Variants in KCNB2 observed in about 807,000 individuals in gnomAD.
KCNB2 encodes potassium voltage-gated channel subfamily B member 2, also known as delayed rectifier potassium channel protein.
Under a neutral mutation model 61.5 loss-of-function variants are expected in KCNB2, and 15 were observed. The ratio of observed to expected loss-of-function variants is 0.24; its 90% confidence interval spans 0.16 to 0.38. KCNB2 has a LOEUF of 0.38. Among genes scored for constraint, KCNB2 ranks in the 10% least tolerant of loss-of-function variants. The pLI, the probability that KCNB2 is intolerant of heterozygous loss-of-function variation, is 1.00. For synonymous variants in KCNB2, 457 were observed against 446.0 expected (o/e 1.02, Z -0.31); for missense variants, 828 against 1,125.2 (o/e 0.74, Z 3.78).
intron 2 of KCNB2, among the ~76,000 whole-genome samples, chr8:72,770,425 A>T (rs573204241): frequency 8.1e-4 from 124 of 152,344 alleles, no homozygotes; most frequent in African/African-American, 2.9e-3. Flanking sequence ...AGGAAAGTCC[A>T]AGTGCTGTTG....
intron 2 of KCNB2, among the ~76,000 whole-genome samples, chr8:72,668,262 G>A (rs150137211): frequency 6.6e-6 from 1 of 152,154 alleles, no homozygotes; most frequent in Admixed American, 6.5e-5. Flanking sequence ...AGCCACACAG[G>A]CATGAAGCAC....
rs1239743237 is a variant in KCNB2 at position 72,936,772 on chromosome 8, G to A, written c.1417G>A (p.Gly473Arg). The A allele has an allele frequency of 4.3e-6, 7 of 1,614,154 alleles. No homozygotes were observed. The highest frequency in any genetic ancestry group is 1.1e-5 in the South Asian group (1 of 91,078). ...ELIDVAVEKA[G>R]ESANTKDSAD... Reference sequence around the variant, plus strand: ...GATAGATGTGGCTGTTGAGAAGGCCGGAGAGTCCGCCAACACAAAGGACTC... The same window carrying A: ...GATAGATGTGGCTGTTGAGAAGGCCAGAGAGTCCGCCAACACAAAGGACTC... Residue 473 changes from glycine (G) to arginine (R), a missense_variant, in exon 3 of 3, where the codon GGA (glycine) becomes AGA (arginine). Around this residue, in one of 4 missense-constraint regions of KCNB2, gnomAD observed 559 missense variants for 588.4 expected, o/e 0.95. Transcript: ENST00000523207. This position sits in a 1 kb window ranked among gnomAD's most constrained non-coding sequence, Gnocchi z 5.6.
At chr8:72,826,515 A>G (rs890429900) in intron 2 of KCNB2, among the ~76,000 whole-genome samples, 21 of 152,186 alleles carry the variant, frequency 1.4e-4, no homozygotes, top group Admixed American at 6.5e-5. Flanking sequence ...CTGTTCCCGT[A>G]CCTCACGGAG....
intron 2 of KCNB2, among the ~76,000 whole-genome samples, chr8:72,855,965 C>T (rs935474740): frequency 1.3e-5 from 2 of 152,152 alleles, no homozygotes; most frequent in African/African-American, 4.8e-5. Flanking sequence ...AATGTAAATG[C>T]TCTGAAGATA....
chr8:72,918,080 G>C (rs1386771170), intron 2 of KCNB2, among the ~76,000 whole-genome samples: 4 of 152,198 alleles, frequency 2.6e-5, no homozygotes, highest in Admixed American at 6.5e-5. Flanking sequence ...AACCTACCTA[G>C]TCATGATTTT....
intron 2 of KCNB2, among the ~76,000 whole-genome samples, chr8:72,882,842 G>T (rs1805740137): frequency 6.6e-6 from 1 of 152,156 alleles, no homozygotes; most frequent in Non-Finnish European, 1.5e-5. Flanking sequence ...TTAAAAATCA[G>T]GAGATTTCAC....
chr8:72,748,470 A>C (rs115831271), intron 2 of KCNB2, among the ~76,000 whole-genome samples: 1 of 152,066 alleles, frequency 6.6e-6, no homozygotes, highest in Non-Finnish European at 1.5e-5. Flanking sequence ...ATCTCATGCT[A>C]TTTTTATTTC....
chr8:72,672,887 G>T (rs1004853704), intron 2 of KCNB2, among the ~76,000 whole-genome samples: 8 of 152,162 alleles, frequency 5.3e-5, no homozygotes, highest in Admixed American at 2.6e-4. Context: ...AAAAGATCCA[G>T]AAAATAACAA....
rs550073764 is a variant in KCNB2, at chr8:72,816,052, C to T, written c.580-119883C>T. 3.3e-5 allele frequency among the ~76,000 whole-genome samples: 5 copies of T among 152,106 alleles called. No individual in the cohort carries two copies. The South Asian group carries it at 1.0e-3, about 32-fold the overall frequency. On this transcript the variant is annotated intron_variant, in intron 2 of 2. Coordinates refer to ENST00000523207, the MANE Select transcript of KCNB2 (RefSeq NM_004770.3). ...CTAAATCACACCACTGTAAGTAGGA[C>T]AAATTTTAGAATACTGTATTTTATA...
intron 2 of KCNB2, among the ~76,000 whole-genome samples, chr8:72,570,164 T>A (rs939229628): frequency 2.0e-5 from 3 of 152,178 alleles, no homozygotes; most frequent in African/African-American, 7.2e-5. Flanking sequence ...CCTTTACATA[T>A]GTATCCAACA....
At chr8:72,695,036 A>C (rs1352057385) in intron 2 of KCNB2, among the ~76,000 whole-genome samples, 1 of 152,074 alleles carries the variant, frequency 6.6e-6, no homozygotes, top group Non-Finnish European at 1.5e-5. Flanking sequence ...ATAATGATAA[A>C]ACTTCATCAT....
intron 1 of KCNB2, among the ~76,000 whole-genome samples, chr8:72,540,289 C>T (rs1421164735): frequency 6.6e-6 from 1 of 151,876 alleles, no homozygotes; most frequent in Non-Finnish European, 1.5e-5. Flanking sequence ...AGATTCTTAA[C>T]GTTGATAGGA....
At chr8:72,783,375 T>G (rs541567089) in intron 2 of KCNB2, among the ~76,000 whole-genome samples, 122 of 152,262 alleles carry the variant, frequency 8.0e-4, no homozygotes, top group African/African-American at 2.9e-3. Flanking sequence ...CTCTCCAGAC[T>G]TTTTTCATGC....
chr8:72,860,321 A>G lies in KCNB2; in HGVS notation c.580-75614A>G, dbSNP rs529597639. Among the ~76,000 whole-genome samples, 3 of 152,278 alleles carry G rather than the reference A, an allele frequency of 2.0e-5. No individual in the cohort carries two copies. The East Asian group carries it at 5.8e-4, about 29-fold the overall frequency. ...AGTAAGTAGTATATGAAGAGTCTCAATTTCTCCACATTCCCATCAACACTT... is the reference window on the plus strand; with the variant it reads ...AGTAAGTAGTATATGAAGAGTCTCAGTTTCTCCACATTCCCATCAACACTT... On this transcript the variant is annotated intron_variant, in intron 2 of 2. Transcript: ENST00000523207.
At chr8:72,635,334 G>A (rs560556738) in intron 2 of KCNB2, among the ~76,000 whole-genome samples, 10 of 152,280 alleles carry the variant, frequency 6.6e-5, no homozygotes, top group African/African-American at 2.4e-4. Context: ...TGCTACTAAA[G>A]CAATGTAATT....
At chr8:72,852,025 A>C (rs1810125374) in intron 2 of KCNB2, among the ~76,000 whole-genome samples, 1 of 151,944 alleles carries the variant, frequency 6.6e-6, no homozygotes. Flanking sequence ...ACTTGAGCCC[A>C]GGAATTCAGG....
chr8:72,723,356 A>G (rs367921157), intron 2 of KCNB2, among the ~76,000 whole-genome samples: 18 of 152,210 alleles, frequency 1.2e-4, no homozygotes, highest in African/African-American at 4.1e-4. Flanking sequence ...TAAAGAAACT[A>G]AAATTCTTAA....
intron 2 of KCNB2, among the ~76,000 whole-genome samples, chr8:72,723,408 A>G (rs918714391): frequency 1.3e-5 from 2 of 152,192 alleles, no homozygotes; most frequent in African/African-American, 4.8e-5. Flanking sequence ...AAATGAATTG[A>G]CCATCCTTAT....
In KCNB2 at chr8:72,590,354, CT is replaced by C. The variant is rs200618641; in HGVS notation, c.579+22050del. On this transcript the variant is annotated intron_variant, in intron 2 of 2. Transcript: ENST00000523207. ...ATTGTTCTCCTCATTTCCCTGCTGCCTTTTTTTTTCTTTTTAGCTCCTCTCT... is the reference window on the plus strand; with the variant it reads ...ATTGTTCTCCTCATTTCCCTGCTGCCTTTTTTTTCTTTTTAGCTCCTCTCT... Among the ~76,000 whole-genome samples the C allele has an allele frequency of 3.6e-3, 544 of 151,342 alleles. 11 individuals are homozygous for C. Among genetic ancestry groups the C allele is most frequent in the Admixed American group, 0.031 (473 of 15,148 alleles).
Sources: gnomAD v4.1 joint callset for allele counts (sites outside exome capture counted in the v4.1 genomes callset) on GRCh38, gnomAD v4.1.1 for gene constraint, gnomAD v4.1.1 regional missense constraint, Gnocchi (gnomAD v3.1) non-coding constraint, MANE v1.5 for transcripts, NCBI Gene and HGNC (gene_info 2026-07-23, HGNC 2026-07-21) for gene names.